Variants in TRIM44 observed in about 807,000 individuals in gnomAD.
TRIM44 encodes tripartite motif-containing protein 44.
In TRIM44, 13 loss-of-function variants were observed where a neutral mutation model predicts 37.4. The observed-to-expected ratio is 0.35, with a 90% CI of 0.23 to 0.55. The LOEUF is 0.55. Among genes scored for constraint, TRIM44 ranks in the 20% least tolerant of loss-of-function variants. The pLI is 0.89. For missense variants in TRIM44, 426 were observed against 437.2 expected, an observed-to-expected ratio of 0.97 and a Z score of 0.23; for synonymous variants, 175 against 157.2, an observed-to-expected ratio of 1.11 and a Z score of -0.85.
At chr11:35,750,775 T>A (rs1852550263) in intron 4 of TRIM44, among the ~76,000 whole-genome samples, 1 of 152,160 alleles carries the variant, frequency 6.6e-6, no homozygotes, top group African/African-American at 2.4e-5. Context: ...CTCTTCACCA[T>A]ACTTTGGGAC....
At chr11:35,769,429 C>T (rs1431735891) in intron 4 of TRIM44, among the ~76,000 whole-genome samples, 2 of 152,168 alleles carry the variant, frequency 1.3e-5, no homozygotes, top group Non-Finnish European at 2.9e-5. Context: ...GGTGCTCGCA[C>T]CCTGAGGGAG....
At chr11:35,721,823 C>T (rs1852111032) in intron 2 of TRIM44, among the ~76,000 whole-genome samples, 1 of 152,086 alleles carries the variant, frequency 6.6e-6, no homozygotes, top group African/African-American at 2.4e-5. Flanking sequence ...GGTGGGTGGG[C>T]AGTTGTTTTA....
chr11:35,791,063 T>C (rs1853203301), intron 4 of TRIM44, among the ~76,000 whole-genome samples: 1 of 152,088 alleles, frequency 6.6e-6, no homozygotes, highest in Non-Finnish European at 1.5e-5. Context: ...CCTCCCACTG[T>C]CCCTGGCCCA....
intron 4 of TRIM44, among the ~76,000 whole-genome samples, chr11:35,738,479 TA>T (rs1208298086): frequency 2.0e-5 from 3 of 152,132 alleles, no homozygotes; most frequent in Admixed American, 2.0e-4. Flanking sequence ...GTACCAAAAA[TA>T]AGTGCATGTT....
In TRIM44 at chr11:35,774,937, T is replaced by A. The variant is rs149520140; in HGVS notation, c.1008-31421T>A. Among the ~76,000 whole-genome samples the A allele has an allele frequency of 1.6e-3, 247 of 152,294 alleles. 8 individuals carry two copies. The East Asian group carries it at 0.044, about 27-fold the overall frequency. ...TCTTCGTTCTTTTGGCTTAGGATTG[T>A]CTTGGCAATGTGGGCTCTTTTTTGG... is the stretch of plus-strand genomic sequence containing the variant. On this transcript the variant is annotated intron_variant, in intron 4 of 4. Coordinates refer to ENST00000299413, the MANE Select transcript of TRIM44 (RefSeq NM_017583.6).
In TRIM44 at chr11:35,764,919, A is replaced by AT. The variant is rs200085102; in HGVS notation, c.1007+29481dup. 5.3e-4 allele frequency among the ~76,000 whole-genome samples: 81 copies of AT among 152,082 alleles called. 1 individual carries two copies. Among genetic ancestry groups the AT allele is most frequent in the African/African-American group, 1.7e-3 (69 of 41,480 alleles). On this transcript the variant is annotated intron_variant, in intron 4 of 4. Coordinates refer to ENST00000299413, the MANE Select transcript of TRIM44 (RefSeq NM_017583.6). ...TCTCTGAAGATGAATGTTGTACTTA[A>AT]TTTTTTTAAAAAAAAACCTCCTTCT...
intron 4 of TRIM44, among the ~76,000 whole-genome samples, chr11:35,798,865 A>T (rs973503770): frequency 2.6e-5 from 4 of 152,194 alleles, no homozygotes; most frequent in Admixed American, 1.3e-4. Flanking sequence ...TATGTATAGA[A>T]GGTGTATGGG....
intron 4 of TRIM44, among the ~76,000 whole-genome samples, chr11:35,742,171 G>A (rs1181346516): frequency 6.6e-6 from 1 of 151,738 alleles, no homozygotes; most frequent in Admixed American, 6.6e-5. Flanking sequence ...TTGAACTACT[G>A]GGGTCAAGTG....
At chr11:35,693,998 A>G (rs185217437) in intron 2 of TRIM44, among the ~76,000 whole-genome samples, 2 of 152,314 alleles carry the variant, frequency 1.3e-5, no homozygotes, top group Admixed American at 1.3e-4. Flanking sequence ...CAAATAGATC[A>G]AAGAATGAGC....
At chr11:35,796,495 T>C (rs1424351658) in intron 4 of TRIM44, among the ~76,000 whole-genome samples, 1 of 152,198 alleles carries the variant, frequency 6.6e-6, no homozygotes, top group Non-Finnish European at 1.5e-5. Context: ...TGGTTTCCAT[T>C]ATACACATGC....
rs910083003 is a variant in TRIM44, at chr11:35,701,377, TA to T, written c.747+16052del. Among the ~76,000 whole-genome samples, 347 of 146,556 alleles carry T rather than the reference TA, an allele frequency of 2.4e-3. 1 individual carries two copies. Among genetic ancestry groups the T allele is most frequent in the African/African-American group, 7.5e-3 (301 of 40,198 alleles). ...GCTGACGTTTAACTATAGTGCTCTT[TA>T]AAAAAAAAAAGTCCTTTTGAATATT... On this transcript the variant is annotated intron_variant, in intron 2 of 4. Transcript: ENST00000299413.
chr11:35,739,957 G>A (rs1437334261), intron 4 of TRIM44, among the ~76,000 whole-genome samples: 1 of 151,966 alleles, frequency 6.6e-6, no homozygotes, highest in Non-Finnish European at 1.5e-5. Flanking sequence ...AAATTAGCTG[G>A]GCATGGTGGC....
chr11:35,742,165 A>G (rs1852405031), intron 4 of TRIM44, among the ~76,000 whole-genome samples: 1 of 151,772 alleles, frequency 6.6e-6, no homozygotes, highest in Non-Finnish European at 1.5e-5. Context: ...CTGGTTTTGA[A>G]CTACTGGGGT....
At chr11:35,775,618 G>A (rs1209529164) in intron 4 of TRIM44, among the ~76,000 whole-genome samples, 1 of 152,172 alleles carries the variant, frequency 6.6e-6, no homozygotes, top group African/African-American at 2.4e-5. Context: ...GTGATAAATA[G>A]CTCTTACCAT....
At chr11:35,806,234 A>G (rs368926642) in intron 4 of TRIM44, 124 bp from the exon 5 acceptor site, 1 of 1,049,996 alleles carries the variant, frequency 9.5e-7, no homozygotes, top group Non-Finnish European at 1.5e-6. Flanking sequence ...ATATTGCTCA[A>G]TCATGGTAGT....
In TRIM44 at chr11:35,662,806, G is replaced by C. The variant is rs1442472710; in HGVS notation, c.-306G>C. 4.0e-6 allele frequency: 1 copy of C among 253,128 alleles called. No homozygotes were observed. Among genetic ancestry groups the C allele is most frequent in the African/African-American group, 2.2e-5 (1 of 44,644 alleles). 15.7% of individuals were successfully genotyped at this position (253,128 alleles called of 1,614,324 possible). A position where few individuals can be genotyped will look rare whatever the true frequency, so the allele number is the denominator to read the frequency against. ...TGCCGCGATCTCTCCCTGGTAGCGG[G>C]AGGCTGAGCGGGCGGCGCGACGCGG... On this transcript the variant is annotated 5_prime_UTR_variant, in exon 1 of 5. Transcript: ENST00000299413.
At chr11:35,757,659 C>G (rs540120906) in intron 4 of TRIM44, among the ~76,000 whole-genome samples, 1 of 152,198 alleles carries the variant, frequency 6.6e-6, no homozygotes, top group Non-Finnish European at 1.5e-5. Flanking sequence ...TTCCTCTACA[C>G]ACTGCTTTGA....
At chr11:35,744,761 C>T (rs1288196512) in intron 4 of TRIM44, among the ~76,000 whole-genome samples, 4 of 152,112 alleles carry the variant, frequency 2.6e-5, no homozygotes, top group African/African-American at 7.2e-5. Context: ...TGTGGTGTTC[C>T]CCCCATGAGT....
chr11:35,725,097 CA>C (rs1852157131), intron 2 of TRIM44, among the ~76,000 whole-genome samples: 5 of 151,814 alleles, frequency 3.3e-5, no homozygotes, highest in Admixed American at 6.6e-5. Context: ...CACACACACA[CA>C]CACACACCCT....
Sources: allele counts gnomAD v4.1 joint callset (sites outside exome capture counted in the v4.1 genomes callset), GRCh38; gene constraint gnomAD v4.1.1; transcripts MANE v1.5; gene names NCBI Gene and HGNC (gene_info 2026-07-23, HGNC 2026-07-21).